The following HUNK variants were observed in gnomAD, a reference collection of about 807,000 sequenced individuals.
The protein encoded by HUNK is hormonally up-regulated Neu-associated kinase.
A neutral mutation model predicts 61.0 loss-of-function variants in HUNK; 21 were observed. The ratio of observed to expected loss-of-function variants is 0.34; its 90% CI spans 0.24 to 0.50. The LOEUF is 0.50. HUNK is among the 20% of genes least tolerant of loss of function. The pLI, the probability that HUNK is intolerant of heterozygous loss-of-function variation, is 0.98. For synonymous variants in HUNK, 371 were observed against 386.1 expected (o/e 0.96, Z 0.46); for missense variants, 772 against 945.7 (o/e 0.82, Z 2.41).
intron 1 of HUNK, among the ~76,000 whole-genome samples, chr21:31,880,532 TCA>T (rs1249754697): frequency 6.6e-6 from 1 of 152,188 alleles, no homozygotes; most frequent in Non-Finnish European, 1.5e-5. Context: ...GCGTCTGTCT[TCA>T]CACAGTGTTC....
chr21:31,892,363 C>A (rs1275557034), intron 1 of HUNK, among the ~76,000 whole-genome samples: 1 of 151,268 alleles, frequency 6.6e-6, no homozygotes, highest in Non-Finnish European at 1.5e-5. Context: ...ATCAGGAGTT[C>A]AAGACCAGCT....
intron 1 of HUNK, among the ~76,000 whole-genome samples, chr21:31,914,013 A>G (rs1007197726): frequency 6.6e-6 from 1 of 152,150 alleles, no homozygotes; most frequent in East Asian, 1.9e-4. Context: ...GAATGCTCTC[A>G]GAGCCAGGGT....
At chr21:31,993,730 G>A (rs1424567969) in intron 9 of HUNK, among the ~76,000 whole-genome samples, 1 of 152,138 alleles carries the variant, frequency 6.6e-6, no homozygotes, top group East Asian at 1.9e-4. Context: ...GGTGTGTCAT[G>A]CACACAAAGG....
intron 1 of HUNK, among the ~76,000 whole-genome samples, chr21:31,920,710 A>G (rs941249537): frequency 4.6e-5 from 7 of 152,162 alleles, no homozygotes; most frequent in African/African-American, 1.7e-4. Context: ...GGCTGAGAGC[A>G]TCAGCCCGAG....
At chr21:31,998,194 C>G (rs1445306279) in intron 10 of HUNK, among the ~76,000 whole-genome samples, 1 of 152,202 alleles carries the variant, frequency 6.6e-6, no homozygotes, top group African/African-American at 2.4e-5. Flanking sequence ...GCTGGGATCA[C>G]AGGCGTGAGC....
chr21:31,954,273 A>G (rs2052872728), intron 4 of HUNK, among the ~76,000 whole-genome samples: 1 of 152,218 alleles, frequency 6.6e-6, no homozygotes, highest in African/African-American at 2.4e-5. Context: ...ATTAAAGGGA[A>G]TATAAAAGGT....
At chr21:31,896,574 A>G in intron 1 of HUNK, among the ~76,000 whole-genome samples, 1 of 152,184 alleles carries the variant, frequency 6.6e-6, no homozygotes, top group East Asian at 1.9e-4. Context: ...CAAGAAAAAA[A>G]CAAACAAACA....
At chr21:31,937,272 A>G (rs2052738777) in intron 2 of HUNK, among the ~76,000 whole-genome samples, 1 of 152,232 alleles carries the variant, frequency 6.6e-6, no homozygotes, top group East Asian at 1.9e-4. Context: ...GAGAAGACAC[A>G]TAAACCTTTA....
chr21:31,992,405 T>A (rs1179744656), intron 9 of HUNK, among the ~76,000 whole-genome samples: 1 of 152,246 alleles, frequency 6.6e-6, no homozygotes, highest in African/African-American at 2.4e-5. Flanking sequence ...CAAATGTCCG[T>A]GCACATCCGC....
In HUNK at chr21:32,001,689, T is replaced by C. The variant is rs2053247304; in HGVS notation, c.*2505T>C. On this transcript the variant is annotated 3_prime_UTR_variant, in exon 11 of 11. Transcript: ENST00000270112. ...TGTGTGTGTGAGCACCTGACAAATC[T>C]ATGAAACCGAGTGAAAGGAGAAATG... 6.6e-6 allele frequency: 1 copy of C among 152,368 alleles called. No individual in the cohort carries two copies. Among genetic ancestry groups the C allele is most frequent in the African/African-American group, 2.4e-5 (1 of 41,304 alleles). 9.4% of individuals were successfully genotyped at this position (152,368 alleles called of 1,614,324 possible). A position where few individuals can be genotyped will look rare whatever the true frequency, so the allele number is the denominator to read the frequency against.
At chr21:31,890,984 AC>A (rs2052383707) in intron 1 of HUNK, among the ~76,000 whole-genome samples, 1 of 151,832 alleles carries the variant, frequency 6.6e-6, no homozygotes, top group Non-Finnish European at 1.5e-5. Flanking sequence ...AAAAAAAAAA[AC>A]TTTAGACAAA....
chr21:31,927,302 CA>C (rs2052667500), intron 2 of HUNK, among the ~76,000 whole-genome samples: 1 of 152,012 alleles, frequency 6.6e-6, no homozygotes, highest in Non-Finnish European at 1.5e-5. Flanking sequence ...CAGCCACACC[CA>C]AAGTGCTGGG....
chr21:31,970,867 G>T (rs980463440), intron 6 of HUNK, among the ~76,000 whole-genome samples: 3 of 152,070 alleles, frequency 2.0e-5, no homozygotes, highest in Non-Finnish European at 4.4e-5. Flanking sequence ...TATTGTAATG[G>T]TTTTTGCATT....
rs575537925 is a variant in HUNK at position 31,915,118 on chromosome 21, A to T, written c.262-9350A>T. On this transcript the variant is annotated intron_variant, in intron 1 of 10. Transcript: ENST00000270112. ...GAGCACCCTTCATTCCAAATACTCC[A>T]GTGACCATTTTCTACAGGTGTCGTG... is the stretch of plus-strand genomic sequence containing the variant. 1.4e-3 allele frequency among the ~76,000 whole-genome samples: 210 copies of T among 151,146 alleles called. 2 individuals carry two copies. Among genetic ancestry groups the T allele is most frequent in the South Asian group, 7.8e-3 (37 of 4,774 alleles).
At chr21:31,936,053 T>C (rs1026282296) in intron 2 of HUNK, among the ~76,000 whole-genome samples, 1 of 152,146 alleles carries the variant, frequency 6.6e-6, no homozygotes, top group Non-Finnish European at 1.5e-5. Flanking sequence ...CGCCTCAGCT[T>C]CCCAAAGTGC....
At chr21:31,897,844 T>A (rs2052435771) in intron 1 of HUNK, among the ~76,000 whole-genome samples, 1 of 152,140 alleles carries the variant, frequency 6.6e-6, no homozygotes, top group Admixed American at 6.5e-5. Flanking sequence ...TGGAGGGTGC[T>A]GCCTGGACCT....
At chr21:31,993,561 A>G (rs1221687802) in intron 9 of HUNK, among the ~76,000 whole-genome samples, 2 of 152,246 alleles carry the variant, frequency 1.3e-5, no homozygotes, top group Non-Finnish European at 2.9e-5. Flanking sequence ...TGACTTTAGC[A>G]TAAAAGTAGA....
chr21:31,913,202 G>T (rs915198836), intron 1 of HUNK, among the ~76,000 whole-genome samples: 7 of 152,098 alleles, frequency 4.6e-5, no homozygotes, highest in Non-Finnish European at 8.8e-5. Context: ...AGCTGGAGAG[G>T]CCCGGAGTGA....
Position 31,873,589 on chromosome 21 carries a change from A to G in HUNK, c.-86A>G. On this transcript the variant is annotated 5_prime_UTR_variant, in exon 1 of 11. Coordinates refer to ENST00000270112, the MANE Select transcript of HUNK (RefSeq NM_014586.2). This position sits in a 1 kb window ranked among gnomAD's most constrained non-coding sequence, Gnocchi z 6.1. ...GGGCTGGGCCCAGGGCGGCGGCGGGAGAAGCCGGGGAAGCCGAAGAGCCTG... is the reference window on the plus strand; with the variant it reads ...GGGCTGGGCCCAGGGCGGCGGCGGGGGAAGCCGGGGAAGCCGAAGAGCCTG... The G allele has an allele frequency of 2.1e-6, 2 of 948,796 alleles. No individual in the cohort carries two copies. Among genetic ancestry groups the G allele is most frequent in the Non-Finnish European group, 2.5e-6 (2 of 797,226 alleles). 58.8% of individuals were successfully genotyped at this position (948,796 alleles called of 1,614,324 possible).
Sources: gnomAD v4.1 joint callset for allele counts (sites outside exome capture counted in the v4.1 genomes callset) on GRCh38, gnomAD v4.1.1 for gene constraint, Gnocchi (gnomAD v3.1) non-coding constraint, MANE v1.5 for transcripts, NCBI Gene and HGNC (gene_info 2026-07-23, HGNC 2026-07-21) for gene names.